The following STARD13 variants were observed in gnomAD, a reference collection of about 807,000 sequenced individuals.
The protein encoded by STARD13 is StAR related lipid transfer domain containing 13.
A neutral mutation model predicts 106.4 loss-of-function variants in STARD13; 62 were observed. The ratio of observed to expected loss-of-function variants is 0.58; its 90% CI spans 0.48 to 0.72. The LOEUF (loss-of-function observed/expected upper bound fraction) is 0.72, where lower values mean the gene tolerates loss of function less well. STARD13 is among the 30% of genes least tolerant of loss of function. The pLI is 0.00. For synonymous variants in STARD13, 565 were observed against 553.0 expected (o/e 1.02, Z -0.31); for missense variants, 1,387 against 1,424.0 (o/e 0.97, Z 0.42).
At chr13:33,489,584 G>A in the STARD13 span, among the ~76,000 whole-genome samples, 1 of 152,156 alleles carries the variant, frequency 6.6e-6, no homozygotes, top group Non-Finnish European at 1.5e-5. Flanking sequence ...TGAAAACAAT[G>A]TACCTATTAA....
chr13:33,335,614 G>A (rs1003328625), intron 1 of STARD13, among the ~76,000 whole-genome samples: 7 of 152,324 alleles, frequency 4.6e-5, no homozygotes, highest in African/African-American at 1.7e-4. Context: ...CCTAAAGTAG[G>A]TTAGTAACGG....
At chr13:33,271,167 G>T (rs7325190) in intron 1 of STARD13, among the ~76,000 whole-genome samples, 1 of 152,010 alleles carries the variant, frequency 6.6e-6, no homozygotes, top group African/African-American at 2.4e-5. Flanking sequence ...TCTGGTCTAC[G>T]GGCCTCAGCT....
At chr13:33,239,022 C>A (rs986722102) in intron 1 of STARD13, among the ~76,000 whole-genome samples, 1 of 151,882 alleles carries the variant, frequency 6.6e-6, no homozygotes, top group Admixed American at 6.6e-5. Flanking sequence ...AAGCAACAAC[C>A]TCCCCATTTC....
chr13:33,203,995 A>G (rs1887232116), intron 1 of STARD13, among the ~76,000 whole-genome samples: 1 of 152,238 alleles, frequency 6.6e-6, no homozygotes, highest in Admixed American at 6.5e-5. Context: ...TAGATTCATC[A>G]AAAGGTTAAT....
At chr13:33,504,431 A>C in the STARD13 span, among the ~76,000 whole-genome samples, 1 of 152,292 alleles carries the variant, frequency 6.6e-6, no homozygotes, top group African/African-American at 2.4e-5. Context: ...ACCCATTAAA[A>C]AGGATGAGTT....
the STARD13 span, among the ~76,000 whole-genome samples, chr13:33,396,231 A>C: frequency 6.6e-6 from 1 of 152,170 alleles, no homozygotes; most frequent in African/African-American, 2.4e-5. Flanking sequence ...CCTGGGCTTA[A>C]GTGATCCTCC....
intron 1 of STARD13, among the ~76,000 whole-genome samples, chr13:33,319,850 C>T (rs982909794): frequency 3.3e-5 from 5 of 152,188 alleles, no homozygotes; most frequent in Non-Finnish European, 5.9e-5. Flanking sequence ...CAGATGCATA[C>T]TTGTGTACTC....
chr13:33,400,672 C>G, the STARD13 span, among the ~76,000 whole-genome samples: 1 of 152,030 alleles, frequency 6.6e-6, no homozygotes, highest in Non-Finnish European at 1.5e-5. Context: ...ACTGTGTTAG[C>G]CAGGATGGTC....
At chr13:33,593,614 T>C in the STARD13 span, among the ~76,000 whole-genome samples, 2 of 152,158 alleles carry the variant, frequency 1.3e-5, no homozygotes, top group Non-Finnish European at 2.9e-5. Flanking sequence ...AGTCTTGCCT[T>C]AGCTAAGGAA....
intron 1 of STARD13, among the ~76,000 whole-genome samples, chr13:33,263,364 G>A (rs1050306073): frequency 1.1e-4 from 16 of 152,144 alleles, no homozygotes; most frequent in Non-Finnish European, 2.1e-4. Flanking sequence ...TCCTTTAAAT[G>A]TTTAATAAAA....
At chr13:33,409,528 C>T in the STARD13 span, among the ~76,000 whole-genome samples, 1 of 152,202 alleles carries the variant, frequency 6.6e-6, no homozygotes, top group Non-Finnish European at 1.5e-5. Flanking sequence ...TCTCATCATG[C>T]ATCATAACGT....
chr13:33,398,635 G>A, the STARD13 span, among the ~76,000 whole-genome samples: 125 of 152,258 alleles, frequency 8.2e-4, 1 homozygote, highest in South Asian at 1.7e-3. Context: ...GGAAAAAAAA[G>A]AGATGTGAAC....
intron 3 of STARD13, among the ~76,000 whole-genome samples, chr13:33,159,580 G>A (rs908398652): frequency 6.6e-6 from 1 of 152,146 alleles, no homozygotes; most frequent in African/African-American, 2.4e-5. Flanking sequence ...GGTTTAAAAT[G>A]TATTTTTTCC....
At chr13:33,536,912 G>A in the STARD13 span, among the ~76,000 whole-genome samples, 1 of 151,946 alleles carries the variant, frequency 6.6e-6, no homozygotes, top group Non-Finnish European at 1.5e-5. Context: ...TTGTTCTATC[G>A]GTTTGTTAGT....
intron 1 of STARD13, among the ~76,000 whole-genome samples, chr13:33,185,695 C>G (rs1304459941): frequency 6.6e-6 from 1 of 152,188 alleles, no homozygotes; most frequent in East Asian, 1.9e-4. Flanking sequence ...CATTCTTCTT[C>G]TGCTTTATGT....
the STARD13 span, among the ~76,000 whole-genome samples, chr13:33,499,613 CTTCTT>C: frequency 1.1e-3 from 77 of 70,506 alleles, no homozygotes; most frequent in Non-Finnish European, 1.1e-3. Flanking sequence ...CTTTCTTCTT[CTTCTT>C]CTTCTTCTTC....
chr13:33,269,784 G>A (rs754331421), intron 1 of STARD13, among the ~76,000 whole-genome samples: 8 of 152,064 alleles, frequency 5.3e-5, no homozygotes, highest in Non-Finnish European at 8.8e-5. Flanking sequence ...GAATGAAGGT[G>A]AAAAATGAGA....
chr13:33,196,151 G>A (rs1285318789), intron 1 of STARD13, among the ~76,000 whole-genome samples: 2 of 152,186 alleles, frequency 1.3e-5, no homozygotes, highest in African/African-American at 2.4e-5. Context: ...TTGGGAGGCC[G>A]AGGTGGGTGG....
At chr13:33,228,542 G>A (rs535051697) in intron 1 of STARD13, among the ~76,000 whole-genome samples, 1 of 152,276 alleles carries the variant, frequency 6.6e-6, no homozygotes, top group South Asian at 2.1e-4. Context: ...GGCGACAGTG[G>A]ACAACCTGGT....
Sources: allele counts gnomAD v4.1 joint callset (sites outside exome capture counted in the v4.1 genomes callset), GRCh38; gene constraint gnomAD v4.1.1; transcripts MANE v1.5; gene names NCBI Gene and HGNC (gene_info 2026-07-23, HGNC 2026-07-21).